The following CSF3R variants were observed in gnomAD, a reference collection of about 807,000 sequenced individuals.
The protein encoded by CSF3R is colony stimulating factor 3 receptor, also known as granulocyte colony-stimulating factor receptor.
In CSF3R, 52 loss-of-function variants were observed where a neutral mutation model predicts 84.4. The ratio of observed to expected loss-of-function variants is 0.62; its 90% CI spans 0.49 to 0.78. CSF3R has a LOEUF of 0.78. Among genes scored for constraint, CSF3R ranks in the 30% least tolerant of loss-of-function variants. The pLI is 0.00. For missense variants in CSF3R, 890 were observed against 1,055.7 expected (o/e 0.84, Z 2.17); for synonymous variants, 384 against 429.1 (o/e 0.89, Z 1.30).
At position 36,469,382 on chromosome 1, in the gene CSF3R, ATCT is replaced by A. The variant is rs1247548950; in HGVS notation, c.1475-128_1475-126del. ...ATGATTCAGGGTTAACCTCCACAATATCTTCTTTAGATCATTTGATGAGAATTA... is the reference window on the plus strand; with the variant it reads ...ATGATTCAGGGTTAACCTCCACAATATCTTTAGATCATTTGATGAGAATTA... On this transcript the variant is annotated intron_variant, in intron 11 of 16. Coordinates refer to ENST00000373106, the MANE Select transcript of CSF3R (RefSeq NM_000760.4). 3.3e-5 allele frequency: 27 copies of A among 819,952 alleles called. No homozygotes were observed. In the Admixed American group the frequency reaches 5.6e-4, roughly 17 times the overall value. The allele number at this position is 819,952 out of a possible 1,614,324, so 50.8% of individuals were successfully genotyped here.
At position 36,472,756 on chromosome 1, in the gene CSF3R, G is replaced by A. The variant is rs992883132; in HGVS notation, c.674-70C>T. ...GAGGGCTCTGCCTTAGCTCCCTCTT[G>A]TCTCCCTGTCTGTGGTTCACCATCT... is the stretch of plus-strand genomic sequence containing the variant. On this transcript the variant is annotated intron_variant, in intron 6 of 16. Coordinates refer to ENST00000373106, the MANE Select transcript of CSF3R (RefSeq NM_000760.4). This position sits in a 1 kb window ranked among gnomAD's most constrained non-coding sequence, Gnocchi z 5.0. 14 of 1,448,318 alleles carry A rather than the reference G, an allele frequency of 9.7e-6. No individual in the cohort carries two copies. The highest frequency in any genetic ancestry group is 8.2e-5 in the Admixed American group (3 of 36,780). The allele number at this position is 1,448,318 out of a possible 1,614,324, so 89.7% of individuals were successfully genotyped here.
At chr1:36,471,700 A>AG in intron 9 of CSF3R, 54 bp from the exon 10 acceptor site, 1 of 1,584,334 alleles carries the variant, frequency 6.3e-7, no homozygotes, top group Non-Finnish European at 8.7e-7. Flanking sequence ...TCTTGAGTCA[A>AG]GGAGAGCCTC....
Position 36,472,386 on chromosome 1 carries a change from G to T in CSF3R, c.849C>A (p.Gly283=), listed in dbSNP as rs1159140021. Residue 283 remains glycine, a synonymous_variant, in exon 8 of 17, where the codon GGC becomes GGA. Transcript: ENST00000373106. This position sits in a 1 kb window ranked among gnomAD's most constrained non-coding sequence, Gnocchi z 5.0. ...ACTGAAGGGCCTCCAAGGGGAGGGG[G>T]CCCACCTGGTGAGGGGTGGACAGGA... ...QRGEASWALV[G]PLPLEALQYE... is the part of the protein sequence containing the mutation. The T allele has an allele frequency of 6.2e-7, 1 of 1,613,944 alleles. No homozygotes were observed. Among genetic ancestry groups the T allele is most frequent in the South Asian group, 1.1e-5 (1 of 91,090 alleles).
intron 3 of CSF3R, among the ~76,000 whole-genome samples, chr1:36,477,841 C>T (rs150876756): frequency 2.2e-3 from 332 of 152,042 alleles, no homozygotes; most frequent in African/African-American, 7.7e-3. Context: ...TTACTGCAAG[C>T]GCCGCCTGCT....
At position 36,467,599 on chromosome 1, in the gene CSF3R, GAGC is replaced by G. The variant is rs1396549270; in HGVS notation, c.1914_1916del (p.Leu638_Leu639delinsPhe). ...GCCAGGCAGTTCCACAGAGGCAGGT[GAGC>G]AACAGCAGGAGGCCGAACAGGCCCA... On this transcript the variant is annotated inframe_deletion, in exon 15 of 17. Coordinates refer to ENST00000373106, the MANE Select transcript of CSF3R (RefSeq NM_000760.4). This position sits in a 1 kb window ranked among gnomAD's most constrained non-coding sequence, Gnocchi z 4.1. 6.2e-7 allele frequency: 1 copy of G among 1,614,168 alleles called. No homozygotes were observed. Among genetic ancestry groups the G allele is most frequent in the East Asian group, 2.2e-5 (1 of 44,878 alleles).
chr1:36,473,507 T>C lies in CSF3R; in HGVS notation c.601A>G (p.Ile201Val). The change falls in exon 6 of 17, where the codon ATC (isoleucine) becomes GTC (valine). Residue 201 changes from isoleucine to valine, a missense_variant. Coordinates refer to ENST00000373106, the MANE Select transcript of CSF3R (RefSeq NM_000760.4). Reference protein sequence around the residue: ...KHLLLYQNMGIWVQAENALGT... With the variant: ...KHLLLYQNMGVWVQAENALGT... ...AGCGCATTCTCTGCCTGCACCCAGATGCCCATATTCTGGTACAACAGCAGG... is the reference window on the plus strand; with the variant it reads ...AGCGCATTCTCTGCCTGCACCCAGACGCCCATATTCTGGTACAACAGCAGG... The C allele has an allele frequency of 6.2e-7, 1 of 1,614,174 alleles. No homozygotes were observed. Among genetic ancestry groups the C allele is most frequent in the Admixed American group, 1.7e-5 (1 of 60,036 alleles).
chr1:36,467,273 G>C lies in CSF3R; in HGVS notation c.1997C>G (p.Ala666Gly), dbSNP rs1213838770. Residue 666 changes from alanine (A) to glycine (G), a missense_variant, in exon 16 of 17, where the codon GCT becomes GGT. Coordinates refer to ENST00000373106, the MANE Select transcript of CSF3R (RefSeq NM_000760.4). This position sits in a 1 kb window ranked among gnomAD's most constrained non-coding sequence, Gnocchi z 4.1. The stretch of plus-strand genomic sequence containing the variant: ...CACCCAGGAGCCCAGGCTGCTGTGA[G>C]CTGGGTCTGGGACACTTGGCCAGAG... ...NPLWPSVPDP[A>G]HSSLGSWVPT... The C allele has an allele frequency of 6.2e-7, 1 of 1,614,126 alleles. No individual in the cohort carries two copies. Among genetic ancestry groups the C allele is most frequent in the East Asian group, 2.2e-5 (1 of 44,888 alleles).
chr1:36,475,819 A>G, intron 3 of CSF3R, 146 bp from the exon 4 acceptor site: 1 of 795,932 alleles, frequency 1.3e-6, no homozygotes, highest in South Asian at 1.9e-5. Flanking sequence ...AAGGATGGGG[A>G]CGGAGACTTC....
rs1650383117 is a variant in CSF3R at position 36,467,235 on chromosome 1, C to T, written c.2035G>A (p.Glu679Lys). 1 of 1,614,166 alleles carries T rather than the reference C, an allele frequency of 6.2e-7. No homozygotes were observed. ...TCTCCCTCCTGGATTCTCACCTCCT[C>T]CATGATTGTGGGCACCCAGGAGCCC... ...SLGSWVPTIM[E>K]EDAFQLPGLG... Residue 679 changes from glutamate (E) to lysine (K), a missense_variant, in exon 16 of 17, where the codon GAG (glutamate) becomes AAG (lysine). Physicochemically the swap from Glu to Lys is moderately conservative, Grantham distance 56 (BLOSUM62 1). Coordinates refer to ENST00000373106, the MANE Select transcript of CSF3R (RefSeq NM_000760.4). The surrounding 1 kb of genome is among the most constrained non-coding windows in gnomAD (Gnocchi z 4.1).
Position 36,472,102 on chromosome 1 carries a change from C to T in CSF3R, c.1035G>A (p.Arg345=), listed in dbSNP as rs759830055. 6.2e-7 allele frequency: 1 copy of T among 1,613,750 alleles called. No individual in the cohort carries two copies. Among genetic ancestry groups the T allele is most frequent in the Non-Finnish European group, 8.5e-7 (1 of 1,180,020 alleles). ...GCTGCACTGTCCTGGGGTCCAGCTG[C>T]CTCTGCCGCCACCATGTGTCCAGTC... ...TVRLDTWWRQ[R]QLDPRTVQLF... is the part of the protein sequence containing the mutation. The change falls in exon 9 of 17, where the codon AGG becomes AGA. Residue 345 remains arginine, a synonymous_variant. Transcript: ENST00000373106. The surrounding 1 kb of genome is among the most constrained non-coding windows in gnomAD (Gnocchi z 5.0).
intron 3 of CSF3R, among the ~76,000 whole-genome samples, chr1:36,476,621 G>GTT (rs112688098): frequency 5.6e-5 from 8 of 144,062 alleles, no homozygotes; most frequent in African/African-American, 1.0e-4. Flanking sequence ...TGTCCCTGCT[G>GTT]TTTTTTTTTT....
intron 10 of CSF3R, 21 bp downstream of exon 10, chr1:36,471,412 C>G: frequency 6.2e-7 from 1 of 1,609,286 alleles, no homozygotes; most frequent in Non-Finnish European, 8.5e-7. Context: ...CTGTGCTCTT[C>G]TGGCTGCCAG....
Position 36,475,521 on chromosome 1 carries a change from C to T in CSF3R, c.217G>A (p.Gly73Ser), listed in dbSNP as rs532250805. 3.5e-5 allele frequency: 57 copies of T among 1,613,846 alleles called. No individual in the cohort carries two copies. In the South Asian group the frequency reaches 5.6e-4, roughly 16 times the overall value. The change falls in exon 4 of 17, where the codon GGC (glycine) becomes AGC (serine). Residue 73 changes from glycine to serine, a missense_variant. Physicochemically the swap from Gly to Ser is moderately conservative, Grantham distance 56. Coordinates refer to ENST00000373106, the MANE Select transcript of CSF3R (RefSeq NM_000760.4). The stretch of plus-strand genomic sequence containing the variant: ...CCATCAGACAGACGCTGCTGCCTGC[C>T]CCCGGGCTGAAGCTCTGCTCCCAGT... ...WRLGAELQPG[G>S]RQQRLSDGTQ...
intron 9 of CSF3R, 67 bp from the exon 10 acceptor site, chr1:36,471,713 G>A (rs1650750724): frequency 7.8e-6 from 12 of 1,528,898 alleles, no homozygotes; most frequent in South Asian, 1.1e-5. Context: ...AGAGCCTCTA[G>A]GTGGGGTGGA....
chr1:36,475,691 G>C lies in CSF3R; in HGVS notation c.65-18C>G. The C allele has an allele frequency of 6.2e-7, 1 of 1,601,868 alleles. No homozygotes were observed. Among genetic ancestry groups the C allele is most frequent in the Non-Finnish European group, 8.5e-7 (1 of 1,172,170 alleles). On this transcript the variant is annotated intron_variant, in intron 3 of 16. Transcript: ENST00000373106. ...CTCCAGACCTGGGGTGGAAGAGAAT[G>C]GGCCAGGAACGACGCCTCTGCCTAG...
In CSF3R at chr1:36,474,011, C is replaced by G; in HGVS notation, c.362-124G>C. The G allele has an allele frequency of 3.5e-6, 5 of 1,443,346 alleles. No individual in the cohort carries two copies. In the South Asian group the frequency reaches 5.8e-5, roughly 17 times the overall value. The allele number at this position is 1,443,346 out of a possible 1,614,324, so 89.4% of individuals were successfully genotyped here. On this transcript the variant is annotated intron_variant, in intron 4 of 16. Coordinates refer to ENST00000373106, the MANE Select transcript of CSF3R (RefSeq NM_000760.4). ...CCTCTGTTGTCACCTTGTCTGTCCC[C>G]CTGTCTCCAGGCAGAGTGGCTCTGG...
rs1570588198 is a variant in CSF3R, at chr1:36,472,268, G to T, written c.967C>A (p.Pro323Thr). Residue 323 changes from proline (P) to threonine (T), a missense_variant, in exon 8 of 17, where the codon CCC becomes ACC. Pro to Thr is a conservative substitution (Grantham distance 38). Coordinates refer to ENST00000373106, the MANE Select transcript of CSF3R (RefSeq NM_000760.4). The surrounding 1 kb of genome is among the most constrained non-coding windows in gnomAD (Gnocchi z 5.0). ...TCGGTAGTTCTCAGCTCCAGGCTGG[G>T]GCTCCAGTCGCTCCAGTGGCCAGGC... ...PLPGHWSDWS[P>T]SLELRTTERA... The T allele has an allele frequency of 2.5e-6, 4 of 1,614,232 alleles. No individual in the cohort carries two copies. Among genetic ancestry groups the T allele is most frequent in the Non-Finnish European group, 3.4e-6 (4 of 1,180,038 alleles).
At chr1:36,468,619 G>C in intron 12 of CSF3R, 1 of 211,378 alleles carries the variant, frequency 4.7e-6, no homozygotes, top group South Asian at 7.5e-5. Flanking sequence ...CTACAGCCTC[G>C]ACCTCCTGGG....
chr1:36,482,307 G>A (rs1210397974), intron 1 of CSF3R, among the ~76,000 whole-genome samples: 5 of 40,432 alleles, frequency 1.2e-4, no homozygotes, highest in Admixed American at 2.3e-4. Flanking sequence ...AGAGTGGGCG[G>A]GGGGGGGGCA....
Sources: allele counts gnomAD v4.1 joint callset (sites outside exome capture counted in the v4.1 genomes callset), GRCh38; gene constraint gnomAD v4.1.1; non-coding constraint Gnocchi (gnomAD v3.1); transcripts MANE v1.5; gene names NCBI Gene and HGNC (gene_info 2026-07-23, HGNC 2026-07-21).